Variants in SNX16 observed in about 807,000 individuals in gnomAD.
The protein encoded by SNX16 is sorting nexin-16.
In SNX16, 35 loss-of-function variants were observed where a neutral mutation model predicts 36.7. The observed-to-expected ratio is 0.95, with a 90% CI of 0.73 to 1.27. The LOEUF (loss-of-function observed/expected upper bound fraction) is 1.27. Ranked by LOEUF, SNX16 falls within the 50% of genes most tolerant of loss-of-function variation. The pLI is 0.00. For missense variants in SNX16, 367 were observed against 393.6 expected (o/e 0.93, Z 0.57); for synonymous variants, 134 against 132.0 (o/e 1.02, Z -0.10).
rs1022698962 is a variant in SNX16, at chr8:81,800,147, G to A, written c.*1350C>T. ...TAATATATATATACATCAAGATACC[G>A]ATAAACTTTTAGATAGTAAAGAAAA... On this transcript the variant is annotated 3_prime_UTR_variant, in exon 8 of 8. Coordinates refer to ENST00000345957, the MANE Select transcript of SNX16 (RefSeq NM_152836.3). The A allele has an allele frequency of 6.6e-6, 1 of 151,622 alleles. No homozygotes were observed. Among genetic ancestry groups the A allele is most frequent in the African/African-American group, 2.4e-5 (1 of 41,386 alleles). The allele number at this position is 151,622 out of a possible 1,614,324, so 9.4% of individuals were successfully genotyped here.
intron 7 of SNX16, 83 bp downstream of exon 7, chr8:81,802,297 T>TA (rs1392377799): frequency 1.9e-5 from 21 of 1,088,550 alleles, no homozygotes; most frequent in African/African-American, 4.9e-5. Flanking sequence ...ACTGAGTTCA[T>TA]AAAAAAATAC....
At chr8:81,801,820 C>G (rs907755582) in intron 7 of SNX16, among the ~76,000 whole-genome samples, 1 of 151,560 alleles carries the variant, frequency 6.6e-6, no homozygotes, top group African/African-American at 2.4e-5. Flanking sequence ...ACTCAGCTCT[C>G]CAAACTACCA....
At chr8:81,822,084 G>A (rs186009009) in intron 4 of SNX16, among the ~76,000 whole-genome samples, 1 of 151,370 alleles carries the variant, frequency 6.6e-6, no homozygotes, top group African/African-American at 2.4e-5. Flanking sequence ...GGTGATGAAC[G>A]GTGTCTTAAA....
intron 2 of SNX16, among the ~76,000 whole-genome samples, chr8:81,838,968 A>G (rs1413130185): frequency 6.6e-6 from 1 of 152,160 alleles, no homozygotes; most frequent in East Asian, 1.9e-4. Context: ...TCACAAGAGA[A>G]TATCCAAACA....
At chr8:81,807,997 C>G (rs1487686478) in intron 5 of SNX16, 1 of 818,680 alleles carries the variant, frequency 1.2e-6, no homozygotes. Context: ...GAATGCAAGG[C>G]CACAGAAGGT....
chr8:81,816,790 G>A (rs566124098), intron 4 of SNX16, among the ~76,000 whole-genome samples: 47 of 152,234 alleles, frequency 3.1e-4, no homozygotes, highest in African/African-American at 1.1e-3. Context: ...TGGTAGAGCT[G>A]TACTTTCAAT....
intron 3 of SNX16, among the ~76,000 whole-genome samples, chr8:81,824,637 C>T (rs1023864508): frequency 1.3e-5 from 2 of 152,054 alleles, no homozygotes; most frequent in East Asian, 1.9e-4. Context: ...CTATTTTATA[C>T]ATTTGGCTTA....
intron 4 of SNX16, among the ~76,000 whole-genome samples, chr8:81,816,628 A>G (rs528888804): frequency 1.3e-5 from 2 of 152,192 alleles, no homozygotes; most frequent in African/African-American, 2.4e-5. Context: ...GGAATTTTAC[A>G]TATCTTATTG....
At chr8:81,804,760 C>T (rs1264986480) in intron 5 of SNX16, among the ~76,000 whole-genome samples, 1 of 152,002 alleles carries the variant, frequency 6.6e-6, no homozygotes, top group Non-Finnish European at 1.5e-5. Flanking sequence ...AAATGTTAGC[C>T]TTTTCTCCCC....
In SNX16 at chr8:81,807,719, C is replaced by T. The variant is rs1434953434; in HGVS notation, c.682-4491G>A. 4 of 598,936 alleles carry T rather than the reference C, an allele frequency of 6.7e-6. No individual in the cohort carries two copies. The African/African-American group carries it at 7.4e-5, about 11-fold the overall frequency. 37.1% of individuals were successfully genotyped at this position (598,936 alleles called of 1,614,324 possible). ...TCTGAGGTCAGCTTGCTCCTTTCTG[C>T]CCGTGGATGCCGCCGAAGAAGCATT... is the stretch of plus-strand genomic sequence containing the variant. On this transcript the variant is annotated intron_variant, in intron 5 of 7. Transcript: ENST00000345957.
At chr8:81,808,450 G>A in intron 5 of SNX16, 1 of 1,076,684 alleles carries the variant, frequency 9.3e-7, no homozygotes. Flanking sequence ...GGTCATGGTG[G>A]CTTTGCTGAC....
At chr8:81,807,668 C>A (rs986934620) in intron 5 of SNX16, 2 of 497,894 alleles carry the variant, frequency 4.0e-6, no homozygotes, top group African/African-American at 3.9e-5. Flanking sequence ...GTCATCCATA[C>A]AGAAAAAGTT....
At chr8:81,813,043 CAGAT>C (rs1810332785) in intron 5 of SNX16, among the ~76,000 whole-genome samples, 1 of 151,706 alleles carries the variant, frequency 6.6e-6, no homozygotes, top group Admixed American at 6.6e-5. Context: ...GGGATGGAGA[CAGAT>C]GAGAGAAACA....
At chr8:81,808,577 GT>G in intron 5 of SNX16, 1 of 988,686 alleles carries the variant, frequency 1.0e-6, no homozygotes. Context: ...ACAACAATCA[GT>G]CTTCAAATTT....
At chr8:81,831,501 T>C (rs1332494270) in intron 2 of SNX16, among the ~76,000 whole-genome samples, 4 of 151,998 alleles carry the variant, frequency 2.6e-5, no homozygotes, top group Admixed American at 2.6e-4. Flanking sequence ...GAGACCAGCC[T>C]GGTCAACATG....
chr8:81,835,291 C>T (rs1371450545), intron 2 of SNX16, among the ~76,000 whole-genome samples: 1 of 152,200 alleles, frequency 6.6e-6, no homozygotes, highest in Non-Finnish European at 1.5e-5. Context: ...CGTTTTCCTC[C>T]TACGCCTTTG....
intron 5 of SNX16, among the ~76,000 whole-genome samples, chr8:81,813,240 C>T (rs1237912210): frequency 6.6e-6 from 1 of 151,778 alleles, no homozygotes; most frequent in Non-Finnish European, 1.5e-5. Context: ...CTGCAGTAAA[C>T]AAGACAGTAT....
rs1297965664 is a variant in SNX16, at chr8:81,833,978, G to A, written c.376-4462C>T. 6.6e-5 allele frequency among the ~76,000 whole-genome samples: 10 copies of A among 152,196 alleles called. No individual in the cohort carries two copies. In the East Asian group the frequency reaches 7.7e-4, roughly 12 times the overall value. On this transcript the variant is annotated intron_variant, in intron 2 of 7. Transcript: ENST00000345957. ...TACAAAAAGTGTGCAATTCATAAGC[G>A]TACAACTTGACAAATTTCACAAAAT... is the stretch of plus-strand genomic sequence containing the variant.
chr8:81,833,374 G>A (rs1323108196), intron 2 of SNX16, among the ~76,000 whole-genome samples: 1 of 150,494 alleles, frequency 6.6e-6, no homozygotes, highest in Non-Finnish European at 1.5e-5. Context: ...GAGGAGTTAA[G>A]GATAAATCCT....
Sources: allele counts gnomAD v4.1 joint callset (sites outside exome capture counted in the v4.1 genomes callset), GRCh38; gene constraint gnomAD v4.1.1; transcripts MANE v1.5; gene names NCBI Gene and HGNC (gene_info 2026-07-23, HGNC 2026-07-21).